The following RYR3 variants were observed in gnomAD, a reference collection of about 807,000 sequenced individuals.
RYR3 encodes brain ryanodine receptor-calcium release channel.
RYR3 carries 207 observed loss-of-function variants against 584.3 expected under a neutral mutation model. That is an observed-to-expected ratio of 0.35 (90% CI 0.32 to 0.40). RYR3 has a LOEUF of 0.40. RYR3 is among the 10% of genes least tolerant of loss of function. The pLI is 1.00. For missense variants in RYR3, 5,616 were observed against 6,089.2 expected, an observed-to-expected ratio of 0.92 and a Z score of 2.59; for synonymous variants, 2,416 against 2,248.5, an observed-to-expected ratio of 1.07 and a Z score of -2.11.
intron 3 of RYR3, among the ~76,000 whole-genome samples, chr15:33,520,863 C>T (rs931546467): frequency 3.3e-5 from 5 of 152,180 alleles, no homozygotes; most frequent in African/African-American, 1.2e-4. Context: ...AAATGCTCAT[C>T]TGTCTGTTTG....
chr15:33,467,526 A>G (rs2048586655), intron 1 of RYR3: 1 of 974,162 alleles, frequency 1.0e-6, no homozygotes, highest in Non-Finnish European at 1.2e-6. Flanking sequence ...AATAGGCAAG[A>G]TCCATTCATT....
intron 46 of RYR3, 128 bp from the exon 47 acceptor site, chr15:33,728,729 A>C (rs1476928391): frequency 1.2e-6 from 1 of 832,008 alleles, no homozygotes; most frequent in African/African-American, 1.8e-5. Flanking sequence ...TGAGATGCTC[A>C]ATCTGTATTT....
chr15:33,746,875 C>T (rs532815120), intron 53 of RYR3, among the ~76,000 whole-genome samples: 1 of 131,042 alleles, frequency 7.6e-6, no homozygotes, highest in South Asian at 2.5e-4. Flanking sequence ...GTGGTGTGAT[C>T]TCGGCTCACT....
At chr15:33,859,500 T>C in intron 99 of RYR3, 75 bp from the exon 100 acceptor site, 1 of 1,543,610 alleles carries the variant, frequency 6.5e-7, no homozygotes, top group Non-Finnish European at 8.9e-7. Context: ...GACCGAATCA[T>C]ATGAATGATC....
chr15:33,391,543 G>A (rs915793043), intron 1 of RYR3, among the ~76,000 whole-genome samples: 2 of 151,464 alleles, frequency 1.3e-5, no homozygotes, highest in Non-Finnish European at 2.9e-5. Flanking sequence ...GGAGAATGAC[G>A]TGAACCTGGG....
chr15:33,748,393 C>A lies in RYR3; in HGVS notation c.8137-75C>A, dbSNP rs138991363. 1,117 of 1,543,664 alleles carry A rather than the reference C, an allele frequency of 7.2e-4. 10 individuals are homozygous for A. The African/African-American group carries it at 0.013, about 19-fold the overall frequency. On this transcript the variant is annotated intron_variant, in intron 54 of 103. Coordinates refer to ENST00000634891, the MANE Select transcript of RYR3 (RefSeq NM_001036.6). ...GGGAGTTTTCAGGACACATTTTTGA[C>A]AGCTGAAGTTGGGGATGCCTGATAA...
At position 33,666,410 on chromosome 15, in the gene RYR3, G is replaced by A. The variant is rs144097269; in HGVS notation, c.5619+2673G>A. Among the ~76,000 whole-genome samples, 30 of 152,284 alleles carry A rather than the reference G, an allele frequency of 2.0e-4. No individual in the cohort carries two copies. The East Asian group carries it at 5.8e-3, about 29-fold the overall frequency. On this transcript the variant is annotated intron_variant, in intron 36 of 103. Transcript: ENST00000634891. Reference sequence around the variant, plus strand: ...ATACTGCTGGTCTGAGAATAAAAATGAAAGAAGGGACACTTACCGCTATGA... The same window carrying A: ...ATACTGCTGGTCTGAGAATAAAAATAAAAGAAGGGACACTTACCGCTATGA...
intron 38 of RYR3, among the ~76,000 whole-genome samples, chr15:33,693,599 G>A (rs548092768): frequency 3.7e-4 from 57 of 152,348 alleles, no homozygotes; most frequent in African/African-American, 9.4e-4. Context: ...CTAAATTAGC[G>A]TGGCAAGTTG....
At chr15:33,418,516 G>A (rs961214404) in intron 1 of RYR3, among the ~76,000 whole-genome samples, 1 of 152,224 alleles carries the variant, frequency 6.6e-6, no homozygotes, top group Admixed American at 6.5e-5. Flanking sequence ...GTGGGTTTCA[G>A]CAAGAGTTGA....
At chr15:33,862,657 C>T (rs1362655520) in intron 102 of RYR3, among the ~76,000 whole-genome samples, 1 of 152,186 alleles carries the variant, frequency 6.6e-6, no homozygotes, top group Non-Finnish European at 1.5e-5. Flanking sequence ...GTCACCCAGG[C>T]TGAAGTGCAG....
At chr15:33,466,084 C>T (rs1433283886) in intron 1 of RYR3, among the ~76,000 whole-genome samples, 1 of 152,184 alleles carries the variant, frequency 6.6e-6, no homozygotes, top group Non-Finnish European at 1.5e-5. Context: ...TTTGGAAACA[C>T]AAGTCGAGTT....
At chr15:33,472,094 C>T (rs1465659027) in intron 1 of RYR3, among the ~76,000 whole-genome samples, 1 of 152,218 alleles carries the variant, frequency 6.6e-6, no homozygotes, top group Non-Finnish European at 1.5e-5. Context: ...AGCAAAGACT[C>T]CTGAATTTGT....
At position 33,558,697 on chromosome 15, in the gene RYR3, A is replaced by G. The variant is rs117536585; in HGVS notation, c.973-4140A>G. 4.4e-3 allele frequency among the ~76,000 whole-genome samples: 674 copies of G among 152,318 alleles called. 6 individuals carry two copies. The highest frequency in any genetic ancestry group is 0.01 in the Middle Eastern group (3 of 294). ...CAGTTTTACACCTTTGGCATTTTCA[A>G]TCTGGCAGGGGGCAGCTAGTATACC... is the stretch of plus-strand genomic sequence containing the variant. On this transcript the variant is annotated intron_variant, in intron 10 of 103. Coordinates refer to ENST00000634891, the MANE Select transcript of RYR3 (RefSeq NM_001036.6).
chr15:33,688,568 A>ATG, intron 38 of RYR3, among the ~76,000 whole-genome samples: 1 of 136,168 alleles, frequency 7.3e-6, no homozygotes. Context: ...GCGAGACTCC[A>ATG]TCTCAAAAAA....
At chr15:33,397,672 C>T (rs2042381306) in intron 1 of RYR3, among the ~76,000 whole-genome samples, 2 of 152,192 alleles carry the variant, frequency 1.3e-5, no homozygotes, top group South Asian at 4.1e-4. Context: ...GTTTTGCTGC[C>T]AGAGAAAAAG....
rs865996526 is a variant in RYR3, at chr15:33,445,663, C to A, written c.52-27756C>A. Among the ~76,000 whole-genome samples, 111 of 46,492 alleles carry A rather than the reference C, an allele frequency of 2.4e-3. 2 individuals are homozygous for A. Among genetic ancestry groups the A allele is most frequent in the Non-Finnish European group, 4.1e-3 (98 of 23,908 alleles). The allele number at this position is 46,492 out of a possible 152,430, so 30.5% of individuals were successfully genotyped here. On this transcript the variant is annotated intron_variant, in intron 1 of 103. Transcript: ENST00000634891. ...GAATAAATACCACCCTTTCCCCCAC[C>A]AACACACACACACACACACACACAC...
At chr15:33,813,711 T>C (rs1464930105) in intron 74 of RYR3, 132 bp downstream of exon 74, 9 of 730,020 alleles carry the variant, frequency 1.2e-5, no homozygotes, top group Non-Finnish European at 1.9e-5. Flanking sequence ...GCTATTGCAG[T>C]CTGCATAGTA....
chr15:33,421,031 G>A (rs1423764515), intron 1 of RYR3, among the ~76,000 whole-genome samples: 2 of 152,024 alleles, frequency 1.3e-5, no homozygotes, highest in Non-Finnish European at 2.9e-5. Flanking sequence ...AGTCCTGAAT[G>A]GGTTATCCAG....
At chr15:33,712,147 G>A (rs1441969002) in intron 43 of RYR3, among the ~76,000 whole-genome samples, 2 of 152,076 alleles carry the variant, frequency 1.3e-5, no homozygotes, top group African/African-American at 2.4e-5. Flanking sequence ...TAAGGCAAGG[G>A]GGAGGTGCCA....
Sources: gnomAD v4.1 joint callset for allele counts (sites outside exome capture counted in the v4.1 genomes callset) on GRCh38, gnomAD v4.1.1 for gene constraint, MANE v1.5 for transcripts, NCBI Gene and HGNC (gene_info 2026-07-23, HGNC 2026-07-21) for gene names.